The following CXorf58 variants were observed in gnomAD, a reference collection of about 807,000 sequenced individuals.
CXorf58 encodes the protein uncharacterized protein CXorf58.
A neutral mutation model predicts 26.0 loss-of-function variants in CXorf58; 24 were observed. The ratio of observed to expected loss-of-function variants is 0.92; its 90% CI spans 0.67 to 1.30. CXorf58 has a LOEUF of 1.30. CXorf58 is among the 50% of genes most tolerant of loss of function. CXorf58 has a pLI of 0.00. For synonymous variants in CXorf58, 87 were observed against 86.1 expected (o/e 1.01, Z -0.06); for missense variants, 236 against 263.9 (o/e 0.89, Z 0.73).
intron 5 of CXorf58, among the ~76,000 whole-genome samples, chrX:23,917,378 A>G: frequency 9.2e-6 from 1 of 109,266 alleles, no homozygotes; most frequent in South Asian, 4.0e-4. Flanking sequence ...ACTTTCAAAT[A>G]TTTATCCTTT....
At chrX:23,938,143 C>T (rs1027125046) in intron 7 of CXorf58, among the ~76,000 whole-genome samples, 3 of 110,901 alleles carry the variant, frequency 2.7e-5, no homozygotes, top group African/African-American at 3.3e-5. Flanking sequence ...TTGCCTCGGC[C>T]TCCCAAAGTG....
intron 6 of CXorf58, among the ~76,000 whole-genome samples, chrX:23,931,822 T>C (rs186388375): frequency 1.1e-3 from 125 of 112,090 alleles, no homozygotes; most frequent in African/African-American, 3.1e-3. Context: ...CAAAACAAGC[T>C]TCTTTGTCAA....
chrX:23,920,916 A>C (rs1160013666), intron 5 of CXorf58, among the ~76,000 whole-genome samples: 5 of 110,296 alleles, frequency 4.5e-5, no homozygotes, highest in African/African-American at 1.6e-4. Flanking sequence ...ACACCTAGAA[A>C]ATGAGCTACA....
intron 5 of CXorf58, among the ~76,000 whole-genome samples, chrX:23,926,559 G>C (rs1928016342): frequency 9.0e-6 from 1 of 111,685 alleles, no homozygotes; most frequent in Non-Finnish European, 1.9e-5. Flanking sequence ...GTAACTCGTT[G>C]AATCACCAGA....
chrX:23,916,126 G>A (rs1250647400), intron 4 of CXorf58, 91 bp from the exon 5 acceptor site: 4 of 508,877 alleles, frequency 7.9e-6, no homozygotes, highest in Non-Finnish European at 9.8e-6. Flanking sequence ...CTGTATGCAA[G>A]AAACTATATG....
intron 3 of CXorf58, 87 bp from the exon 4 acceptor site, chrX:23,915,613 A>C (rs1428116059): frequency 1.9e-6 from 1 of 516,279 alleles, no homozygotes. Context: ...CATAATGTTC[A>C]CTTTACCACG....
intron 5 of CXorf58, among the ~76,000 whole-genome samples, chrX:23,926,386 G>T (rs188302096): frequency 9.0e-6 from 1 of 111,042 alleles, no homozygotes. Flanking sequence ...ATTTGGGAGA[G>T]AAAAGAAAAC....
Position 23,933,388 on chromosome X carries a change from A to T in CXorf58, c.556-1808A>T, listed in dbSNP as rs947420890. Among the ~76,000 whole-genome samples the T allele has an allele frequency of 5.4e-5, 6 of 111,613 alleles. No individual in the cohort carries two copies. The Admixed American group carries it at 5.7e-4, about 11-fold the overall frequency. On this transcript the variant is annotated intron_variant, in intron 6 of 8. Transcript: ENST00000379211. ...CTTAAATGCACGACTATAATGTTAA[A>T]GTGATGATATATATTTGTATTTTTA... is the stretch of plus-strand genomic sequence containing the variant.
At chrX:23,916,695 G>T (rs1019901496) in intron 5 of CXorf58, among the ~76,000 whole-genome samples, 2 of 109,971 alleles carry the variant, frequency 1.8e-5, no homozygotes, top group Admixed American at 9.8e-5. Flanking sequence ...TTTGAGACCA[G>T]CCTGGCCAAC....
intron 5 of CXorf58, among the ~76,000 whole-genome samples, chrX:23,925,792 T>C (rs1384048011): frequency 4.2e-5 from 4 of 94,271 alleles, no homozygotes; most frequent in South Asian, 1.1e-3. Context: ...TTTTCTTTTT[T>C]TTTTTTTTTT....
intron 6 of CXorf58, among the ~76,000 whole-genome samples, chrX:23,930,603 C>CA (rs35152285): frequency 0.55 from 42,088 of 75,838 alleles, 11,173 homozygotes; most frequent in Non-Finnish European, 0.73. Flanking sequence ...GACCCTGTCT[C>CA]AAAAAAAAAA....
At chrX:23,918,706 A>G (rs1004948382) in intron 5 of CXorf58, among the ~76,000 whole-genome samples, 1 of 111,855 alleles carries the variant, frequency 8.9e-6, no homozygotes, top group African/African-American at 3.2e-5. Context: ...TTTATTAATG[A>G]CCTTTTCTTT....
chrX:23,937,909 G>A (rs1350888192), intron 7 of CXorf58, among the ~76,000 whole-genome samples: 2 of 104,190 alleles, frequency 1.9e-5, no homozygotes, highest in Non-Finnish European at 3.9e-5. Flanking sequence ...TTTTTGAGCT[G>A]GAGTCTCGCT....
chrX:23,927,757 C>A (rs2147074478), intron 6 of CXorf58, among the ~76,000 whole-genome samples: 1 of 111,333 alleles, frequency 9.0e-6, no homozygotes, highest in South Asian at 3.7e-4. Flanking sequence ...CACCTTCCAC[C>A]CTCTGGTAAG....
In CXorf58 at chrX:23,916,216, G is replaced by A. The variant is rs759675326; in HGVS notation, c.312-1G>A. The A allele has an allele frequency of 2.6e-6, 3 of 1,154,194 alleles. No homozygotes were observed. Among genetic ancestry groups the A allele is most frequent in the Non-Finnish European group, 3.5e-6 (3 of 852,112 alleles). ...TAACTAAATTTTTATCTTTATTTCA[G>A]ATTTAGAGGTGAAACGTTTCCACCT... On this transcript the variant is annotated splice_acceptor_variant, in intron 4 of 8. Transcript: ENST00000379211. LOFTEE classifies it high-confidence loss of function.
At chrX:23,915,585 T>G in intron 3 of CXorf58, 115 bp from the exon 4 acceptor site, 1 of 439,721 alleles carries the variant, frequency 2.3e-6, no homozygotes, top group Non-Finnish European at 4.0e-6. Context: ...ACCCACCCCT[T>G]CAGAACTCCA....
intron 5 of CXorf58, among the ~76,000 whole-genome samples, chrX:23,918,800 T>A (rs1451152979): frequency 8.9e-6 from 1 of 112,273 alleles, no homozygotes; most frequent in African/African-American, 3.2e-5. Flanking sequence ...GAGAAAGTCT[T>A]TATTTCTCCT....
At chrX:23,921,870 T>C (rs1927878349) in intron 5 of CXorf58, among the ~76,000 whole-genome samples, 1 of 109,551 alleles carries the variant, frequency 9.1e-6, no homozygotes, top group African/African-American at 3.3e-5. Flanking sequence ...GGCTAATTTT[T>C]GCATTTTTTT....
intron 5 of CXorf58, among the ~76,000 whole-genome samples, chrX:23,923,437 C>A (rs1312620430): frequency 1.9e-5 from 2 of 106,669 alleles, no homozygotes; most frequent in Non-Finnish European, 3.9e-5. Flanking sequence ...ATTTCAGGAC[C>A]AGTGTGGCCA....
Sources: gnomAD v4.1 joint callset for allele counts (sites outside exome capture counted in the v4.1 genomes callset) on GRCh38, gnomAD v4.1.1 for gene constraint, MANE v1.5 for transcripts, NCBI Gene and HGNC (gene_info 2026-07-23, HGNC 2026-07-21) for gene names.